FRMD3: variants seen among roughly 807,000 people sequenced by gnomAD.
The protein encoded by FRMD3 is FERM domain containing 3, also known as FERM domain-containing protein 3.
A neutral mutation model predicts 70.2 loss-of-function variants in FRMD3; 33 were observed. That is an observed-to-expected ratio of 0.47 (90% CI 0.36 to 0.63). The LOEUF (loss-of-function observed/expected upper bound fraction) is 0.63, where lower values mean the gene tolerates loss of function less well. Among genes scored for constraint, FRMD3 ranks in the 20% least tolerant of loss-of-function variants. The pLI is 0.00. For synonymous variants in FRMD3, 279 were observed against 255.9 expected (o/e 1.09, Z -0.86); for missense variants, 632 against 711.4 (o/e 0.89, Z 1.27).
intron 1 of FRMD3, among the ~76,000 whole-genome samples, chr9:83,507,736 ATATCT>A (rs1829234433): frequency 6.8e-5 from 6 of 88,664 alleles, no homozygotes; most frequent in African/African-American, 1.5e-4. Context: ...ATATATATAT[ATATCT>A]TCTGGAATAT....
intron 1 of FRMD3, among the ~76,000 whole-genome samples, chr9:83,446,410 G>A (rs960407775): frequency 2.0e-5 from 3 of 152,156 alleles, no homozygotes; most frequent in African/African-American, 7.2e-5. Flanking sequence ...CACTTTCGGA[G>A]GCCGAGGCGG....
At chr9:83,500,407 T>C (rs936726094) in intron 1 of FRMD3, among the ~76,000 whole-genome samples, 1 of 152,074 alleles carries the variant, frequency 6.6e-6, no homozygotes, top group Non-Finnish European at 1.5e-5. Context: ...CTTAAACATA[T>C]GGTATTAATT....
intron 13 of FRMD3, among the ~76,000 whole-genome samples, chr9:83,261,140 C>CACACACACAG (rs757325628): frequency 2.7e-5 from 4 of 150,026 alleles, no homozygotes; most frequent in Non-Finnish European, 6.0e-5. Flanking sequence ...CACACACACA[C>CACACACACAG]AGCAGATCCT....
At chr9:83,446,518 G>A (rs1050754226) in intron 1 of FRMD3, among the ~76,000 whole-genome samples, 8 of 151,864 alleles carry the variant, frequency 5.3e-5, no homozygotes, top group Admixed American at 2.6e-4. Flanking sequence ...GCGGTGGCGG[G>A]CGCCTGTAGT....
the FRMD3 span, among the ~76,000 whole-genome samples, chr9:83,572,943 AC>A: frequency 6.6e-6 from 1 of 152,208 alleles, no homozygotes; most frequent in Non-Finnish European, 1.5e-5. Flanking sequence ...AAAGGCTGTG[AC>A]CATCATGGAA....
chr9:83,563,646 C>T, the FRMD3 span, among the ~76,000 whole-genome samples: 5 of 152,124 alleles, frequency 3.3e-5, no homozygotes, highest in African/African-American at 1.2e-4. Flanking sequence ...AATCCCTCCT[C>T]GCCCTCTCAA....
chr9:83,500,502 G>GTGTATGCA (rs1554713117), intron 1 of FRMD3, among the ~76,000 whole-genome samples: 76 of 143,732 alleles, frequency 5.3e-4, no homozygotes, highest in South Asian at 1.8e-3. Context: ...GTGTATGCGC[G>GTGTATGCA]CACACACACA....
At chr9:83,436,920 T>C (rs1444477406) in intron 1 of FRMD3, among the ~76,000 whole-genome samples, 2 of 152,120 alleles carry the variant, frequency 1.3e-5, no homozygotes, top group African/African-American at 4.8e-5. Flanking sequence ...ATGGAGGCAG[T>C]GCCCAAGCTA....
chr9:83,447,226 T>A (rs111551604), intron 1 of FRMD3, among the ~76,000 whole-genome samples: 5,901 of 152,274 alleles, frequency 0.039, 227 homozygotes, highest in Admixed American at 0.097. Context: ...GGTTTCATCA[T>A]GTTGGCTAGG....
intron 1 of FRMD3, among the ~76,000 whole-genome samples, chr9:83,396,477 G>C (rs919281836): frequency 6.6e-6 from 1 of 152,154 alleles, no homozygotes; most frequent in Non-Finnish European, 1.5e-5. Flanking sequence ...AAGCCTCAAG[G>C]AACTATGACC....
At chr9:83,255,710 T>C (rs541954750) in intron 13 of FRMD3, among the ~76,000 whole-genome samples, 163 of 152,184 alleles carry the variant, frequency 1.1e-3, no homozygotes, top group African/African-American at 3.5e-3. Context: ...CAAAAATAGC[T>C]AGCATTCCTA....
At chr9:83,308,673 T>G (rs1835232705) in intron 10 of FRMD3, among the ~76,000 whole-genome samples, 1 of 152,204 alleles carries the variant, frequency 6.6e-6, no homozygotes, top group Non-Finnish European at 1.5e-5. Context: ...CAGTTTGAAC[T>G]TCTTTTGAAA....
At chr9:83,575,729 A>G in the FRMD3 span, among the ~76,000 whole-genome samples, 26 of 152,234 alleles carry the variant, frequency 1.7e-4, no homozygotes, top group Non-Finnish European at 2.9e-4. Context: ...GAATAAACCT[A>G]TAACAAATAA....
chr9:83,443,108 T>G (rs1282346888), intron 1 of FRMD3, among the ~76,000 whole-genome samples: 1 of 152,236 alleles, frequency 6.6e-6, no homozygotes, highest in Non-Finnish European at 1.5e-5. Flanking sequence ...ATTCTTATTA[T>G]CTTTCACTTT....
the FRMD3 span, among the ~76,000 whole-genome samples, chr9:83,578,385 A>C: frequency 6.6e-6 from 1 of 152,042 alleles, no homozygotes; most frequent in Non-Finnish European, 1.5e-5. Flanking sequence ...AGAGAAAAAA[A>C]CTATAGGTCA....
chr9:83,510,815 A>G (rs1253216461), intron 1 of FRMD3, among the ~76,000 whole-genome samples: 2 of 152,220 alleles, frequency 1.3e-5, no homozygotes, highest in Non-Finnish European at 2.9e-5. Context: ...AAGAAAAACA[A>G]ATCTACAGTA....
intron 6 of FRMD3, among the ~76,000 whole-genome samples, chr9:83,330,430 C>T (rs1184959): frequency 6.6e-6 from 1 of 152,098 alleles, no homozygotes; most frequent in African/African-American, 2.4e-5. Flanking sequence ...TAACCTATTT[C>T]TAAATCAGTC....
At chr9:83,519,442 A>C (rs1163215009) in intron 1 of FRMD3, among the ~76,000 whole-genome samples, 1 of 152,230 alleles carries the variant, frequency 6.6e-6, no homozygotes, top group Non-Finnish European at 1.5e-5. Context: ...CCACAATGAG[A>C]TACCATCTCA....
rs1410993371 is a variant in FRMD3, at chr9:83,259,756, C to T, written c.1196-11240G>A. Among the ~76,000 whole-genome samples, 3 of 152,244 alleles carry T rather than the reference C, an allele frequency of 2.0e-5. No individual in the cohort carries two copies. The East Asian group carries it at 5.8e-4, about 29-fold the overall frequency. ...GAAACTGTCAGGTCTCTATAGATGT[C>T]TCATAGTTGTTACTAACCAGACCCA... On this transcript the variant is annotated intron_variant, in intron 13 of 13. Transcript: ENST00000304195.
Sources: allele counts gnomAD v4.1 joint callset (sites outside exome capture counted in the v4.1 genomes callset), GRCh38; gene constraint gnomAD v4.1.1; transcripts MANE v1.5; gene names NCBI Gene and HGNC (gene_info 2026-07-23, HGNC 2026-07-21).